Variants in CBFA2T3 observed in about 807,000 individuals in gnomAD.
CBFA2T3 encodes the protein transcriptional corepressor CBFA2T3.
Under a neutral mutation model 58.6 loss-of-function variants are expected in CBFA2T3, and 31 were observed. The ratio of observed to expected loss-of-function variants is 0.53; its 90% CI spans 0.40 to 0.71. The LOEUF is 0.71. Among genes scored for constraint, CBFA2T3 ranks in the 30% least tolerant of loss-of-function variants. The pLI is 0.00. For missense variants in CBFA2T3, 1,076 were observed against 963.1 expected, an observed-to-expected ratio of 1.12 and a Z score of -1.55; for synonymous variants, 531 against 421.9, an observed-to-expected ratio of 1.26 and a Z score of -3.17.
At chr16:88,906,930 T>C (rs73254249) in intron 1 of CBFA2T3, among the ~76,000 whole-genome samples, 12,050 of 152,268 alleles carry the variant, frequency 0.079, 1,029 homozygotes, top group African/African-American at 0.21. Flanking sequence ...GGGTGTCACA[T>C]AGGCCGAAGG....
At chr16:88,957,099 G>A (rs1972238019) in intron 1 of CBFA2T3, among the ~76,000 whole-genome samples, 1 of 152,202 alleles carries the variant, frequency 6.6e-6, no homozygotes, top group African/African-American at 2.4e-5. Flanking sequence ...ACCGCCCTTG[G>A]GCTTCAGGCC....
intron 1 of CBFA2T3, among the ~76,000 whole-genome samples, chr16:88,904,520 C>T (rs1386183371): frequency 6.6e-6 from 1 of 152,216 alleles, no homozygotes; most frequent in African/African-American, 2.4e-5. Flanking sequence ...ACGCTTGCCT[C>T]CTTTTAGGCC....
intron 1 of CBFA2T3, chr16:88,938,675 C>G (rs1373441165): frequency 1.3e-5 from 2 of 152,228 alleles, no homozygotes; most frequent in Non-Finnish European, 2.9e-5. Flanking sequence ...AATAACAAGG[C>G]CCTGCTAGTC....
chr16:88,935,949 G>A (rs1971484044), intron 1 of CBFA2T3, among the ~76,000 whole-genome samples: 1 of 152,166 alleles, frequency 6.6e-6, no homozygotes, highest in Admixed American at 6.5e-5. Flanking sequence ...TCGAATCCAG[G>A]TGGGGGCTCC....
chr16:88,974,403 C>T (rs867391574), intron 1 of CBFA2T3, among the ~76,000 whole-genome samples: 28 of 152,062 alleles, frequency 1.8e-4, no homozygotes, highest in Non-Finnish European at 3.7e-4. Context: ...GGTCCCGGCC[C>T]CCAGACGGCG....
intron 2 of CBFA2T3, among the ~76,000 whole-genome samples, chr16:88,898,488 G>T (rs1394364469): frequency 8.5e-5 from 13 of 152,228 alleles, no homozygotes; most frequent in African/African-American, 2.4e-5. Flanking sequence ...GAGAGTGGGT[G>T]ATCCCTAAGG....
chr16:88,955,958 G>GCCAAGGCTCCTGACCCCGC (rs1414832223), intron 1 of CBFA2T3, among the ~76,000 whole-genome samples: 1,062 of 100,610 alleles, frequency 0.011, 73 homozygotes, highest in African/African-American at 0.044. Flanking sequence ...CCTGACCCCA[G>GCCAAGGCTCCTGACCCCGC]CCAAGGCTCC....
chr16:88,897,974 C>T (rs554107868), intron 3 of CBFA2T3, 104 bp downstream of exon 3: 345 of 843,446 alleles, frequency 4.1e-4, no homozygotes, highest in Non-Finnish European at 5.6e-4. Flanking sequence ...GTGCGGAGGC[C>T]GGGGAGGAGA....
Position 88,945,354 on chromosome 16 carries a change from C to A in CBFA2T3, c.151+31303G>T, listed in dbSNP as rs1286016629. The stretch of plus-strand genomic sequence containing the variant: ...TTTCATACTTCGGCTCTGCAAAAGA[C>A]ACTATGAAGAGAATGAAAAGACAGG... On this transcript the variant is annotated intron_variant, in intron 1 of 11. Transcript: ENST00000268679. 2.6e-5 allele frequency among the ~76,000 whole-genome samples: 4 copies of A among 152,128 alleles called. No homozygotes were observed. In the East Asian group the frequency reaches 7.7e-4, roughly 29 times the overall value.
intron 1 of CBFA2T3, among the ~76,000 whole-genome samples, chr16:88,972,657 G>C (rs971155018): frequency 2.6e-5 from 4 of 152,290 alleles, no homozygotes; most frequent in African/African-American, 9.6e-5. Context: ...CACATCTCCA[G>C]CCCATCTGCC....
intron 1 of CBFA2T3, among the ~76,000 whole-genome samples, chr16:88,929,373 C>G (rs1014647037): frequency 6.6e-6 from 1 of 152,240 alleles, no homozygotes; most frequent in Admixed American, 6.5e-5. Flanking sequence ...CCGGTGACAG[C>G]AAGGCCAAGC....
intron 1 of CBFA2T3, among the ~76,000 whole-genome samples, chr16:88,947,440 A>G (rs570793): frequency 0.099 from 15,022 of 152,230 alleles, 1,923 homozygotes; most frequent in African/African-American, 0.3. Flanking sequence ...ATATGTTTTC[A>G]TGTTTGAAAG....
intron 3 of CBFA2T3, among the ~76,000 whole-genome samples, chr16:88,895,445 C>T (rs1266425290): frequency 6.6e-6 from 1 of 152,222 alleles, no homozygotes; most frequent in Non-Finnish European, 1.5e-5. Context: ...GGTTATCACA[C>T]ACATCCCATG....
chr16:88,879,572 A>AG, intron 10 of CBFA2T3, 112 bp from the exon 11 acceptor site: 1 of 926,256 alleles, frequency 1.1e-6, no homozygotes, highest in Non-Finnish European at 1.7e-6. Flanking sequence ...AGCTGAACAC[A>AG]CGTACCATCT....
intron 1 of CBFA2T3, among the ~76,000 whole-genome samples, chr16:88,946,534 G>A (rs1567627815): frequency 6.6e-6 from 1 of 151,866 alleles, no homozygotes; most frequent in Non-Finnish European, 1.5e-5. Flanking sequence ...CCAGACTGGA[G>A]TGCAGTGGCA....
In CBFA2T3 at chr16:88,876,797, C is replaced by T. The variant is rs1429963230; in HGVS notation, c.*179G>A. 2 of 520,824 alleles carry T rather than the reference C, an allele frequency of 3.8e-6. No homozygotes were observed. Among genetic ancestry groups the T allele is most frequent in the Non-Finnish European group, 6.5e-6 (2 of 305,374 alleles). 32.3% of individuals were successfully genotyped at this position (520,824 alleles called of 1,614,324 possible). ...TGCACTGAATGCGGTTTTGTTGGTT[C>T]TGTGTCTTCTTTCGGAGAGGGGCAG... On this transcript the variant is annotated 3_prime_UTR_variant, in exon 12 of 12. Transcript: ENST00000268679.
At position 88,880,712 on chromosome 16, in the gene CBFA2T3, C is replaced by T. The variant is rs775225302; in HGVS notation, c.1471+8G>A. On this transcript the variant is annotated splice_region_variant and intron_variant, in intron 10 of 11. Coordinates refer to ENST00000268679, the MANE Select transcript of CBFA2T3 (RefSeq NM_005187.6). Reference sequence around the variant, plus strand: ...CTCTGCTGGCCAGGCCCCTGCACCCCCACTCACCAGCCTTCCTCCAGATGT... The same window carrying T: ...CTCTGCTGGCCAGGCCCCTGCACCCTCACTCACCAGCCTTCCTCCAGATGT... 2 of 1,561,112 alleles carry T rather than the reference C, an allele frequency of 1.3e-6. No homozygotes were observed. The highest frequency in any genetic ancestry group is 1.2e-5 in the South Asian group (1 of 84,892).
At chr16:88,963,202 A>G (rs577844304) in intron 1 of CBFA2T3, among the ~76,000 whole-genome samples, 17 of 132,864 alleles carry the variant, frequency 1.3e-4, no homozygotes, top group African/African-American at 4.7e-4. Flanking sequence ...GGCTGTAAGG[A>G]GTTTCTACCA....
At chr16:88,920,311 C>G (rs1024030715) in intron 1 of CBFA2T3, among the ~76,000 whole-genome samples, 15 of 152,356 alleles carry the variant, frequency 9.8e-5, no homozygotes, top group Middle Eastern at 3.4e-3. Context: ...GAGTCTCGCT[C>G]TGTCACCCAG....
Sources: gnomAD v4.1 joint callset for allele counts (sites outside exome capture counted in the v4.1 genomes callset) on GRCh38, gnomAD v4.1.1 for gene constraint, MANE v1.5 for transcripts, NCBI Gene and HGNC (gene_info 2026-07-23, HGNC 2026-07-21) for gene names.